IRAG1: variants seen among roughly 807,000 people sequenced by gnomAD.
The protein encoded by IRAG1 is IP3R-associated cGMP kinase substrate.
Under a neutral mutation model 106.2 loss-of-function variants are expected in IRAG1, and 62 were observed. The observed-to-expected ratio is 0.58, with a 90% CI of 0.48 to 0.72. The LOEUF is 0.72. IRAG1 is among the 30% of genes least tolerant of loss of function. The pLI is 0.00. For synonymous variants in IRAG1, 462 were observed against 443.9 expected (o/e 1.04, Z -0.51); for missense variants, 1,064 against 1,140.7 (o/e 0.93, Z 0.97).
At chr11:10,577,309 C>G (rs1850923598) in intron 20 of IRAG1, among the ~76,000 whole-genome samples, 2 of 152,152 alleles carry the variant, frequency 1.3e-5, no homozygotes, top group South Asian at 4.1e-4. Flanking sequence ...ACTTCTTTCT[C>G]TATCCCTTTC....
chr11:10,580,527 T>G lies in IRAG1; in HGVS notation c.2423A>C (p.Gln808Pro). ...AGGTTCCTCAGGACTCTCACTCTTCTGTTCTTCCTCCTCCTCCTTCAGGTC... is the reference window on the plus strand; with the variant it reads ...AGGTTCCTCAGGACTCTCACTCTTCGGTTCTTCCTCCTCCTCCTTCAGGTC... The part of the protein sequence containing the change: ...LQDLKEEEEE[Q>P]KSESPEEPEE... The change falls in exon 20 of 21, where the codon CAG becomes CCG. Residue 808 changes from glutamine (Q) to proline (P), a missense_variant. Physicochemically the swap from Gln to Pro is moderately conservative, Grantham distance 76. Transcript: ENST00000423302. The G allele has an allele frequency of 6.2e-7, 1 of 1,613,958 alleles. No homozygotes were observed. The highest frequency in any genetic ancestry group is 8.5e-7 in the Non-Finnish European group (1 of 1,179,872).
intron 17 of IRAG1, 86 bp downstream of exon 17, chr11:10,593,406 T>C: frequency 1.8e-6 from 2 of 1,090,508 alleles, no homozygotes; most frequent in Non-Finnish European, 2.7e-6. Flanking sequence ...TGCCCCCATT[T>C]GGTCACCCTC....
intron 8 of IRAG1, among the ~76,000 whole-genome samples, chr11:10,627,358 G>A (rs75100722): frequency 1.5e-3 from 233 of 152,284 alleles, no homozygotes; most frequent in African/African-American, 5.3e-3. Context: ...GGCTTCCCCA[G>A]ACAGAATCCC....
At chr11:10,680,301 AGAGG>A (rs1266498963) in intron 1 of IRAG1, among the ~76,000 whole-genome samples, 165 of 106,506 alleles carry the variant, frequency 1.5e-3, no homozygotes, top group Middle Eastern at 8.5e-3. Flanking sequence ...AGAGAGAGAG[AGAGG>A]GAGGGAGGGA....
intron 15 of IRAG1, among the ~76,000 whole-genome samples, chr11:10,597,156 A>G (rs918684796): frequency 6.6e-6 from 1 of 152,250 alleles, no homozygotes; most frequent in Non-Finnish European, 1.5e-5. Context: ...TGCCCAGAAG[A>G]AGGAGATCTG....
chr11:10,580,659 G>T, intron 19 of IRAG1, 70 bp from the exon 20 acceptor site: 9 of 1,558,274 alleles, frequency 5.8e-6, no homozygotes, highest in Non-Finnish European at 7.8e-6. Flanking sequence ...GAGTTCCTAG[G>T]GGAGGGGACT....
chr11:10,652,597 T>G (rs902127760), intron 1 of IRAG1, among the ~76,000 whole-genome samples: 2 of 152,194 alleles, frequency 1.3e-5, no homozygotes, highest in Non-Finnish European at 2.9e-5. Context: ...TGACCTCTGA[T>G]GTAGGCATTA....
chr11:10,651,968 A>T, intron 2 of IRAG1, 57 bp downstream of exon 2: 1 of 1,502,016 alleles, frequency 6.7e-7, no homozygotes, highest in Non-Finnish European at 8.9e-7. Context: ...GCCTCAGCCC[A>T]GGGTGCTTGG....
chr11:10,627,433 C>T (rs1383662236), intron 8 of IRAG1, among the ~76,000 whole-genome samples: 1 of 152,166 alleles, frequency 6.6e-6, no homozygotes, highest in African/African-American at 2.4e-5. Flanking sequence ...TCTCACCTGG[C>T]CTGGAGGTCC....
chr11:10,588,952 T>C (rs1249222507), intron 18 of IRAG1: 1 of 152,232 alleles, frequency 6.6e-6, no homozygotes, highest in Non-Finnish European at 1.5e-5. Context: ...CTCTTGAGCT[T>C]TGTTTTCTCT....
At chr11:10,643,567 A>C (rs1417548817) in intron 2 of IRAG1, among the ~76,000 whole-genome samples, 2 of 152,214 alleles carry the variant, frequency 1.3e-5, no homozygotes, top group East Asian at 3.8e-4. Flanking sequence ...TAACTCAGCT[A>C]GTCGTTCATC....
In IRAG1 at chr11:10,604,457, A is replaced by G. The variant is rs983307096; in HGVS notation, c.1691T>C (p.Leu564Pro). 9.3e-6 allele frequency: 15 copies of G among 1,614,042 alleles called. No individual in the cohort carries two copies. Among genetic ancestry groups the G allele is most frequent in the Non-Finnish European group, 1.2e-5 (14 of 1,179,890 alleles). Residue 564 changes from leucine to proline, a missense_variant, in exon 13 of 21, where the codon CTG becomes CCG. By Grantham distance (98) the Leu-to-Pro change is moderately conservative (BLOSUM62 -3). Coordinates refer to ENST00000423302, the MANE Select transcript of IRAG1 (RefSeq NM_130385.4). The stretch of plus-strand genomic sequence containing the variant: ...TTCTTTCTCAGTGTTCTCCTCTGTC[A>G]GGTTGCGTTCCCTTTCAGCCTGGTT... ...RINQAERERNLTEENTEKELE... is the reference protein window; with the variant it reads ...RINQAERERNPTEENTEKELE...
At chr11:10,634,888 T>G (rs1392635513) in intron 2 of IRAG1, among the ~76,000 whole-genome samples, 1 of 152,132 alleles carries the variant, frequency 6.6e-6, no homozygotes, top group East Asian at 1.9e-4. Flanking sequence ...TTGTGAATAG[T>G]GCACACATAT....
At chr11:10,683,531 C>G (rs1040618355) in intron 1 of IRAG1, among the ~76,000 whole-genome samples, 3 of 152,156 alleles carry the variant, frequency 2.0e-5, no homozygotes, top group African/African-American at 7.2e-5. Flanking sequence ...TTCCTCTGCC[C>G]TCCTTCCCTT....
At position 10,628,961 on chromosome 11, in the gene IRAG1, C is replaced by A; in HGVS notation, c.575-133G>T. 1.2e-6 allele frequency: 1 copy of A among 807,942 alleles called. No homozygotes were observed. Among genetic ancestry groups the A allele is most frequent in the Non-Finnish European group, 2.0e-6 (1 of 508,140 alleles). The allele number at this position is 807,942 out of a possible 1,614,324, so 50.0% of individuals were successfully genotyped here. On this transcript the variant is annotated intron_variant, in intron 5 of 20. Transcript: ENST00000423302. The surrounding 1 kb of genome is among the most constrained non-coding windows in gnomAD (Gnocchi z 4.1). ...GCTGGGCTCAGGGGCTGATGCTGGA[C>A]TGCAATATGATGCTCCTGTTACAGC...
intron 18 of IRAG1, among the ~76,000 whole-genome samples, chr11:10,588,639 C>T (rs1350441202): frequency 6.6e-6 from 1 of 152,252 alleles, no homozygotes; most frequent in Non-Finnish European, 1.5e-5. Context: ...GCGTGAGCCA[C>T]TGCCCAGCCA....
At chr11:10,650,302 T>C (rs567435749) in intron 2 of IRAG1, among the ~76,000 whole-genome samples, 3 of 152,310 alleles carry the variant, frequency 2.0e-5, no homozygotes, top group African/African-American at 7.2e-5. Flanking sequence ...AAAGAACTTT[T>C]AATTATAAAG....
At chr11:10,691,467 C>G (rs1016146256) in intron 1 of IRAG1, among the ~76,000 whole-genome samples, 3 of 152,164 alleles carry the variant, frequency 2.0e-5, no homozygotes, top group African/African-American at 4.8e-5. Flanking sequence ...GTCAAGGAAC[C>G]TAGCTTCCTC....
At chr11:10,576,698 T>C in intron 20 of IRAG1, 123 bp from the exon 21 acceptor site, 1 of 1,250,236 alleles carries the variant, frequency 8.0e-7, no homozygotes, top group South Asian at 1.3e-5. Context: ...CAAACTTAGC[T>C]GTGCCTAGAT....
Sources: allele counts gnomAD v4.1 joint callset (sites outside exome capture counted in the v4.1 genomes callset), GRCh38; gene constraint gnomAD v4.1.1; non-coding constraint Gnocchi (gnomAD v3.1); transcripts MANE v1.5; gene names NCBI Gene and HGNC (gene_info 2026-07-23, HGNC 2026-07-21).